KNDC1: variants seen among roughly 807,000 people sequenced by gnomAD.
KNDC1 encodes the protein kinase non-catalytic C-lobe domain-containing protein 1.
Under a neutral mutation model 172.8 loss-of-function variants are expected in KNDC1, and 106 were observed. That is an observed-to-expected ratio of 0.61 (90% confidence interval 0.52 to 0.72). The LOEUF (loss-of-function observed/expected upper bound fraction) is 0.72. Among genes scored for constraint, KNDC1 ranks in the 30% least tolerant of loss-of-function variants. KNDC1 has a pLI of 0.00. For synonymous variants in KNDC1, 1,083 were observed against 1,062.2 expected, an observed-to-expected ratio of 1.02 and a Z score of -0.38; for missense variants, 2,325 against 2,394.5, an observed-to-expected ratio of 0.97 and a Z score of 0.61.
rs1427456028 is a variant in KNDC1 at position 133,170,547 on chromosome 10, CT to C, written c.360+2236del. ...TAACCCTAAAAAGTATTGTCTGCCC[CT>C]AAGAGCGTTTGCTTATGTGCGTTCT... On this transcript the variant is annotated intron_variant, in intron 3 of 29. Coordinates refer to ENST00000304613, the MANE Select transcript of KNDC1 (RefSeq NM_152643.8). Among the ~76,000 whole-genome samples, 6 of 152,292 alleles carry C rather than the reference CT, an allele frequency of 3.9e-5. No individual in the cohort carries two copies. In the East Asian group the frequency reaches 9.6e-4, roughly 24 times the overall value.
chr10:133,218,711 C>T, intron 26 of KNDC1, 120 bp from the exon 27 acceptor site: 1 of 1,321,608 alleles, frequency 7.6e-7, no homozygotes, highest in Non-Finnish European at 1.0e-6. Context: ...TTCCTTTCCA[C>T]ACACGTGATG....
chr10:133,211,685 C>A lies in KNDC1; in HGVS notation c.4063C>A (p.Pro1355Thr), dbSNP rs759132419. The change falls in exon 23 of 30, where the codon CCC becomes ACC. Residue 1355 changes from proline (P) to threonine (T), a missense_variant. Transcript: ENST00000304613. ...CCACTGTGCTTCTGCCTAGATCCTA[C>A]CCCTGGACGGCTCTGCCAAGCACCT... ...LEDFISSKIL[P>T]LDGSAKHLLG... 1 of 1,597,914 alleles carries A rather than the reference C, an allele frequency of 6.3e-7. No individual in the cohort carries two copies.
In KNDC1 at chr10:133,186,149, G is replaced by T; in HGVS notation, c.801G>T (p.Val267=). The change falls in exon 6 of 30, where the codon GTG becomes GTT. Residue 267 remains valine, a synonymous_variant. Transcript: ENST00000304613. ...CCAAGGCTCTGCTGTCCACCCCGGT[G>T]AGAAATGGCGAGAGCCACAGCCGGG... ...SPTKALLSTP[V]RNGESHSREG... 6.3e-7 allele frequency: 1 copy of T among 1,585,540 alleles called. No homozygotes were observed. Among genetic ancestry groups the T allele is most frequent in the Non-Finnish European group, 8.6e-7 (1 of 1,165,988 alleles).
At position 133,183,333 on chromosome 10, in the gene KNDC1, C is replaced by A. The variant is rs755628648; in HGVS notation, c.361-11C>A. On this transcript the variant is annotated splice_polypyrimidine_tract_variant and intron_variant, in intron 3 of 29. Transcript: ENST00000304613. ...AGAGACTCTGGAGCTGACAGCCTGT[C>A]GTGCCCACAGGCGCACATCTACTCT... 3 of 1,582,868 alleles carry A rather than the reference C, an allele frequency of 1.9e-6. No individual in the cohort carries two copies. The highest frequency in any genetic ancestry group is 1.1e-5 in the South Asian group (1 of 87,448).
chr10:133,188,638 C>T lies in KNDC1; in HGVS notation c.1426C>T (p.Arg476Cys), dbSNP rs542860139. The T allele has an allele frequency of 6.9e-6, 11 of 1,589,030 alleles. No individual in the cohort carries two copies. The highest frequency in any genetic ancestry group is 2.0e-4 in the Middle Eastern group (1 of 4,984). The change falls in exon 7 of 30, where the codon CGC (arginine) becomes TGC (cysteine). Residue 476 changes from arginine to cysteine, a missense_variant. Arg to Cys is a radical substitution (Grantham distance 180, BLOSUM62 -3). Coordinates refer to ENST00000304613, the MANE Select transcript of KNDC1 (RefSeq NM_152643.8). Reference protein sequence around the residue: ...CLACLRALQTRPEHPAYLCLD... With the variant: ...CLACLRALQTCPEHPAYLCLD... The stretch of plus-strand genomic sequence containing the variant: ...GGCCTGCCTCCGCGCACTGCAGACA[C>T]GCCCTGAGCACCCAGGTGACGCACG...
chr10:133,173,104 C>G (rs1158014276), intron 3 of KNDC1, among the ~76,000 whole-genome samples: 2 of 152,190 alleles, frequency 1.3e-5, no homozygotes, highest in East Asian at 3.8e-4. Context: ...GCTGCAGGTG[C>G]TCTCCTCTTC....
In KNDC1 at chr10:133,179,735, C is replaced by T. The variant is rs536558950; in HGVS notation, c.361-3609C>T. Reference sequence around the variant, plus strand: ...CCGGGATGCCCATCGCGATCGCAGGCGCCGTGGGAGCTGCAGGCTTTGGAC... The same window carrying T: ...CCGGGATGCCCATCGCGATCGCAGGTGCCGTGGGAGCTGCAGGCTTTGGAC... On this transcript the variant is annotated intron_variant, in intron 3 of 29. Transcript: ENST00000304613. 1.4e-3 allele frequency among the ~76,000 whole-genome samples: 219 copies of T among 152,332 alleles called. 1 individual carries two copies. The highest frequency in any genetic ancestry group is 1.4e-3 in the Non-Finnish European group (95 of 68,028).
chr10:133,189,360 G>A (rs560341352), intron 7 of KNDC1, among the ~76,000 whole-genome samples: 9 of 152,296 alleles, frequency 5.9e-5, no homozygotes, highest in East Asian at 3.9e-4. Flanking sequence ...CAGATATGCC[G>A]CTGCAGCCAC....
chr10:133,168,432 C>A, intron 3 of KNDC1, 120 bp downstream of exon 3: 2 of 1,054,648 alleles, frequency 1.9e-6, no homozygotes, highest in Non-Finnish European at 2.9e-6. Context: ...TGGCCGGGAG[C>A]GGAGCCGCTG....
At chr10:133,197,181 T>G in intron 11 of KNDC1, 46 bp downstream of exon 11, 1 of 1,477,062 alleles carries the variant, frequency 6.8e-7, no homozygotes, top group Non-Finnish European at 9.4e-7. Context: ...CGCGCTTAGC[T>G]TCCTCCCTCC....
intron 3 of KNDC1, among the ~76,000 whole-genome samples, chr10:133,181,708 C>T (rs1853720608): frequency 6.6e-6 from 1 of 152,128 alleles, no homozygotes; most frequent in African/African-American, 2.4e-5. Flanking sequence ...ATGAAAAAGC[C>T]AGGATGCAGG....
chr10:133,171,771 C>T (rs889479916), intron 3 of KNDC1, among the ~76,000 whole-genome samples: 4 of 151,260 alleles, frequency 2.6e-5, no homozygotes, highest in Non-Finnish European at 5.9e-5. Context: ...CCACCACACC[C>T]AGCTAATGTT....
intron 26 of KNDC1, 117 bp from the exon 27 acceptor site, chr10:133,218,714 A>G: frequency 7.5e-7 from 1 of 1,339,796 alleles, no homozygotes; most frequent in Non-Finnish European, 1.0e-6. Flanking sequence ...CTTTCCACAC[A>G]CGTGATGCAG....
chr10:133,165,163 G>A (rs924784393), intron 1 of KNDC1, among the ~76,000 whole-genome samples: 1 of 152,192 alleles, frequency 6.6e-6, no homozygotes, highest in Non-Finnish European at 1.5e-5. Context: ...CCTGAGGGGA[G>A]GCTTCAGCCA....
chr10:133,162,706 C>T (rs1853016672), intron 1 of KNDC1, among the ~76,000 whole-genome samples: 1 of 152,266 alleles, frequency 6.6e-6, no homozygotes, highest in African/African-American at 2.4e-5. Context: ...CGGACAGCGG[C>T]TTGTGCTGGC....
rs756125420 is a variant in KNDC1 at position 133,224,708 on chromosome 10, T to G, written c.5068T>G (p.Tyr1690Asp). 1 of 1,613,984 alleles carries G rather than the reference T, an allele frequency of 6.2e-7. No homozygotes were observed. Among genetic ancestry groups the G allele is most frequent in the Middle Eastern group, 1.6e-4 (1 of 6,062 alleles). The change falls in exon 30 of 30, where the codon TAC becomes GAC. Residue 1690 changes from tyrosine to aspartate, a missense_variant. Transcript: ENST00000304613. This position sits in a 1 kb window ranked among gnomAD's most constrained non-coding sequence, Gnocchi z 5.4. ...GGTGCACGCGTTCCAGGAGAACCCT[T>G]ACACCTTCAGCCCCGACCCCAAGCT... The part of the protein sequence containing the change: ...SQVHAFQENP[Y>D]TFSPDPKLQS...
chr10:133,210,801 C>A, intron 21 of KNDC1, 77 bp downstream of exon 21: 2 of 1,228,276 alleles, frequency 1.6e-6, no homozygotes, highest in South Asian at 1.2e-5. Flanking sequence ...CTGGTTTAGC[C>A]ACCATGAAGA....
chr10:133,183,081 C>T (rs984269812), intron 3 of KNDC1, among the ~76,000 whole-genome samples: 3 of 147,554 alleles, frequency 2.0e-5, no homozygotes, highest in South Asian at 2.2e-4. Context: ...GGCGTGGGCA[C>T]GGGCAGTGTG....
At chr10:133,197,602 A>G (rs962302851) in intron 11 of KNDC1, 73 bp from the exon 12 acceptor site, 4 of 1,129,658 alleles carry the variant, frequency 3.5e-6, no homozygotes, top group Non-Finnish European at 2.6e-6. Flanking sequence ...GTGGTGGGGG[A>G]CGCCCTGTGG....
Sources: gnomAD v4.1 joint callset for allele counts (sites outside exome capture counted in the v4.1 genomes callset) on GRCh38, gnomAD v4.1.1 for gene constraint, Gnocchi (gnomAD v3.1) non-coding constraint, MANE v1.5 for transcripts, NCBI Gene and HGNC (gene_info 2026-07-23, HGNC 2026-07-21) for gene names.